The following CCDC180 variants were observed in gnomAD, a reference collection of about 807,000 sequenced individuals.
CCDC180 encodes the protein coiled-coil domain-containing protein 180.
In CCDC180, 154 loss-of-function variants were observed where a neutral mutation model predicts 209.2. The ratio of observed to expected loss-of-function variants is 0.74; its 90% CI spans 0.65 to 0.84. The LOEUF is 0.84. Ranked by LOEUF, CCDC180 falls within the 40% of genes least tolerant of loss-of-function variation. CCDC180 has a pLI of 0.00. For missense variants in CCDC180, 1,874 were observed against 1,997.3 expected (o/e 0.94, Z 1.18); for synonymous variants, 778 against 749.1 (o/e 1.04, Z -0.63).
intron 34 of CCDC180, 33 bp downstream of exon 34, chr9:97,371,739 C>G (rs1199199105): frequency 6.9e-7 from 1 of 1,448,614 alleles, no homozygotes; most frequent in Non-Finnish European, 9.6e-7. Flanking sequence ...TGTCATGGCC[C>G]TGGGGGGCTG....
intron 10 of CCDC180, among the ~76,000 whole-genome samples, chr9:97,319,359 G>T (rs937636742): frequency 6.6e-6 from 1 of 152,020 alleles, no homozygotes; most frequent in African/African-American, 2.4e-5. Context: ...TTAGATTCAG[G>T]GGTACATGTG....
rs1833092814 is a variant in CCDC180 at position 97,314,485 on chromosome 9, G to C, written c.552G>C (p.Val184=). The C allele has an allele frequency of 6.2e-7, 1 of 1,614,052 alleles. No individual in the cohort carries two copies. The change falls in exon 6 of 37, where the codon GTG becomes GTC. Residue 184 remains valine (V), a synonymous_variant. Transcript: ENST00000529487. ...DEEMNRLFLK[V]ENDTNLEDYT... ...AAATGAACCGTCTCTTCCTAAAGGTGGAAAATGACACCAACCTTGAGGACT... is the reference window on the plus strand; with the variant it reads ...AAATGAACCGTCTCTTCCTAAAGGTCGAAAATGACACCAACCTTGAGGACT...
chr9:97,350,069 A>G (rs1437248196), intron 21 of CCDC180, among the ~76,000 whole-genome samples: 1 of 152,040 alleles, frequency 6.6e-6, no homozygotes, highest in African/African-American at 2.4e-5. Flanking sequence ...CGCTTTTGCT[A>G]CCCAGAGAAG....
At chr9:97,336,930 G>A (rs1412926539) in intron 18 of CCDC180, among the ~76,000 whole-genome samples, 3 of 152,138 alleles carry the variant, frequency 2.0e-5, no homozygotes, top group Non-Finnish European at 4.4e-5. Context: ...TAGCAATTGT[G>A]AATGGGAATT....
chr9:97,363,676 A>G, intron 28 of CCDC180: 2 of 501,582 alleles, frequency 4.0e-6, no homozygotes, highest in Non-Finnish European at 4.1e-6. Context: ...TTCAAGTTTA[A>G]ATGGGCGTGC....
At chr9:97,322,006 T>C (rs945555934) in intron 11 of CCDC180, among the ~76,000 whole-genome samples, 2 of 151,736 alleles carry the variant, frequency 1.3e-5, no homozygotes, top group African/African-American at 4.8e-5. Flanking sequence ...CTGAGGGCAG[T>C]GGGAACTCAG....
At chr9:97,345,773 T>G (rs1418026832) in intron 19 of CCDC180, 1 of 229,620 alleles carries the variant, frequency 4.4e-6, no homozygotes, top group Non-Finnish European at 8.7e-6. Context: ...AATTATATAT[T>G]CTATATAAGG....
intron 25 of CCDC180, among the ~76,000 whole-genome samples, chr9:97,358,359 T>G (rs951669755): frequency 1.4e-4 from 21 of 152,114 alleles, no homozygotes; most frequent in Non-Finnish European, 3.1e-4. Flanking sequence ...TGACCTCAAG[T>G]GACCCGCCCA....
intron 15 of CCDC180, among the ~76,000 whole-genome samples, chr9:97,327,145 G>C (rs1833558175): frequency 6.6e-6 from 1 of 151,954 alleles, no homozygotes; most frequent in Non-Finnish European, 1.5e-5. Flanking sequence ...CTTCAGCCTG[G>C]GTGACAGAGT....
At position 97,309,555 on chromosome 9, in the gene CCDC180, A is replaced by T. The variant is rs144353260; in HGVS notation, c.211A>T (p.Met71Leu). The change falls in exon 3 of 37, where the codon ATG becomes TTG. Residue 71 changes from methionine to leucine, a missense_variant. Transcript: ENST00000529487. Reference protein sequence around the residue: ...EVMSPRQQKWMHSLPNDWIME... With the variant: ...EVMSPRQQKWLHSLPNDWIME... ...GATGTCTCCCCGACAGCAGAAGTGG[A>T]TGCACAGCCTCCCCAACGACTGGAT... The T allele has an allele frequency of 6.9e-6, 11 of 1,593,086 alleles. No individual in the cohort carries two copies. Among genetic ancestry groups the T allele is most frequent in the Middle Eastern group, 1.7e-4 (1 of 6,032 alleles).
intron 11 of CCDC180, 61 bp downstream of exon 11, chr9:97,320,266 G>C: frequency 6.7e-7 from 1 of 1,486,364 alleles, no homozygotes; most frequent in Non-Finnish European, 9.4e-7. Context: ...CAGTTGCTTT[G>C]CTGAAGCTCA....
chr9:97,327,964 G>A, intron 15 of CCDC180, 56 bp from the exon 16 acceptor site: 1 of 1,567,646 alleles, frequency 6.4e-7, no homozygotes, highest in Non-Finnish European at 8.6e-7. Flanking sequence ...CATCTCCTTG[G>A]GGTCAGGGGT....
In CCDC180 at chr9:97,354,704, C is replaced by T. The variant is rs1461130463; in HGVS notation, c.3138C>T (p.Tyr1046=). 2 of 1,614,194 alleles carry T rather than the reference C, an allele frequency of 1.2e-6. No homozygotes were observed. Among genetic ancestry groups the T allele is most frequent in the South Asian group, 1.1e-5 (1 of 91,082 alleles). Residue 1046 remains tyrosine (Y), a synonymous_variant, in exon 23 of 37, where the codon TAC becomes TAT. Coordinates refer to ENST00000529487, the MANE Select transcript of CCDC180 (RefSeq NM_020893.6). Reference sequence around the variant, plus strand: ...ACATGGAGAAGTTGGAGAATGAGTACCTGGACCAGGTAGGGCCCCCAGCCA... The same window carrying T: ...ACATGGAGAAGTTGGAGAATGAGTATCTGGACCAGGTAGGGCCCCCAGCCA... ...MLNMEKLENE[Y]LDQANDVINK...
At chr9:97,367,616 G>A (rs932006706) in intron 31 of CCDC180, among the ~76,000 whole-genome samples, 5 of 152,100 alleles carry the variant, frequency 3.3e-5, no homozygotes, top group African/African-American at 9.7e-5. Flanking sequence ...TGGGACTACA[G>A]GCGCATGCCA....
At position 97,362,309 on chromosome 9, in the gene CCDC180, CTG is replaced by C; in HGVS notation, c.3775_3776del (p.Cys1259LeufsTer71). ...AGCAGTGAGGCAGGGGCTGGTGGTG[CTG>C]TGTGCTCACCTCCTGTCCTCTGCTC... On this transcript the variant is annotated frameshift_variant, in exon 28 of 37. Coordinates refer to ENST00000529487, the MANE Select transcript of CCDC180 (RefSeq NM_020893.6). LOFTEE classifies it high-confidence loss of function. 1 of 1,614,172 alleles carries C rather than the reference CTG, an allele frequency of 6.2e-7. No individual in the cohort carries two copies. The highest frequency in any genetic ancestry group is 8.5e-7 in the Non-Finnish European group (1 of 1,180,036).
rs566466418 is a variant in CCDC180, at chr9:97,347,108, AC to A, written c.2499-205del. 6.9e-4 allele frequency among the ~76,000 whole-genome samples: 105 copies of A among 152,374 alleles called. 1 individual carries two copies. In the South Asian group the frequency reaches 0.021, roughly 31 times the overall value. On this transcript the variant is annotated intron_variant, in intron 19 of 36. Transcript: ENST00000529487. Reference sequence around the variant, plus strand: ...AGTTCAAGGTCATTTATCCAAAGAAACAATTCTACATCTGACATACATAATG... The same window carrying A: ...AGTTCAAGGTCATTTATCCAAAGAAAAATTCTACATCTGACATACATAATG...
In CCDC180 at chr9:97,307,727, C is replaced by T; in HGVS notation, c.-161C>T. On this transcript the variant is annotated 5_prime_UTR_variant, in exon 1 of 37. Coordinates refer to ENST00000529487, the MANE Select transcript of CCDC180 (RefSeq NM_020893.6). ...ACAAGCAATAATCCTGTATTATTCG[C>T]GTTCCCAGAGTCCCTTCGGATTTGC... is the stretch of plus-strand genomic sequence containing the variant. 2 of 1,613,744 alleles carry T rather than the reference C, an allele frequency of 1.2e-6. No homozygotes were observed. Among genetic ancestry groups the T allele is most frequent in the Non-Finnish European group, 1.7e-6 (2 of 1,179,652 alleles).
chr9:97,357,771 T>C lies in CCDC180; in HGVS notation c.3363+46T>C, dbSNP rs975488511. 17 of 1,393,946 alleles carry C rather than the reference T, an allele frequency of 1.2e-5. No homozygotes were observed. The Admixed American group carries it at 2.7e-4, about 22-fold the overall frequency. 86.3% of individuals were successfully genotyped at this position (1,393,946 alleles called of 1,614,324 possible). On this transcript the variant is annotated intron_variant, in intron 25 of 36. Transcript: ENST00000529487. ...GCATGTGAATAATAAAGATATATCATGCTAAAGTCATAAATGTGAAATAAA... is the reference window on the plus strand; with the variant it reads ...GCATGTGAATAATAAAGATATATCACGCTAAAGTCATAAATGTGAAATAAA...
At chr9:97,354,811 C>G (rs1228794964) in intron 23 of CCDC180, 81 bp from the exon 24 acceptor site, 2 of 1,566,628 alleles carry the variant, frequency 1.3e-6, no homozygotes, top group Non-Finnish European at 1.8e-6. Context: ...CAACCATTCA[C>G]TGGGCCTGTC....
Sources: gnomAD v4.1 joint callset for allele counts (sites outside exome capture counted in the v4.1 genomes callset) on GRCh38, gnomAD v4.1.1 for gene constraint, MANE v1.5 for transcripts, NCBI Gene and HGNC (gene_info 2026-07-23, HGNC 2026-07-21) for gene names.